The following CROT variants were observed in gnomAD, a reference collection of about 807,000 sequenced individuals.
CROT encodes the protein peroxisomal carnitine O-octanoyltransferase.
A neutral mutation model predicts 89.2 loss-of-function variants in CROT; 84 were observed. The observed-to-expected ratio is 0.94, with a 90% CI of 0.79 to 1.13. CROT has a LOEUF of 1.13. CROT is among the 50% of genes most tolerant of loss of function. The pLI, the probability that CROT is intolerant of heterozygous loss-of-function variation, is 0.00. For synonymous variants in CROT, 212 were observed against 239.5 expected (o/e 0.89, Z 1.06); for missense variants, 711 against 727.8 (o/e 0.98, Z 0.27).
Position 87,366,646 on chromosome 7 carries a change from G to A in CROT, c.548-2730G>A, listed in dbSNP as rs148446464. ...TAATGATGCTACTGCTCTCTTCATGGCTCCATTCCTACTTCCCCGTCTTCA... is the reference window on the plus strand; with the variant it reads ...TAATGATGCTACTGCTCTCTTCATGACTCCATTCCTACTTCCCCGTCTTCA... On this transcript the variant is annotated intron_variant, in intron 6 of 17. Coordinates refer to ENST00000331536, the MANE Select transcript of CROT (RefSeq NM_021151.4). Among the ~76,000 whole-genome samples the A allele has an allele frequency of 5.1e-4, 77 of 152,194 alleles. No individual in the cohort carries two copies. The Middle Eastern group carries it at 0.01, about 20-fold the overall frequency.
rs190377695 is a variant in CROT, at chr7:87,373,167, C to T, written c.657-2465C>T. On this transcript the variant is annotated intron_variant, in intron 7 of 17. Transcript: ENST00000331536. ...TGCTAGTAAGGGTAAAGTGGGATCTCGTTGTAGTTTATATTTGATAATGAT... is the reference window on the plus strand; with the variant it reads ...TGCTAGTAAGGGTAAAGTGGGATCTTGTTGTAGTTTATATTTGATAATGAT... 2.6e-4 allele frequency among the ~76,000 whole-genome samples: 39 copies of T among 152,004 alleles called. 1 individual carries two copies. Among genetic ancestry groups the T allele is most frequent in the African/African-American group, 8.0e-4 (33 of 41,472 alleles).
At chr7:87,362,866 GAACTC>G (rs1286334092) in intron 6 of CROT, among the ~76,000 whole-genome samples, 1 of 152,036 alleles carries the variant, frequency 6.6e-6, no homozygotes, top group Non-Finnish European at 1.5e-5. Context: ...CTTTCATGTA[GAACTC>G]AACTCTTCTT....
chr7:87,392,689 A>G (rs1807404187), intron 15 of CROT, 41 bp from the exon 16 acceptor site: 1 of 1,610,952 alleles, frequency 6.2e-7, no homozygotes, highest in Non-Finnish European at 8.5e-7. Context: ...TCTCATGGTG[A>G]AAAATTTTTT....
At chr7:87,398,136 C>A (rs1807605361) in intron 17 of CROT, among the ~76,000 whole-genome samples, 1 of 148,370 alleles carries the variant, frequency 6.7e-6, no homozygotes, top group South Asian at 2.1e-4. Context: ...TTCAAGTACT[C>A]TTTAAAAACA....
chr7:87,365,638 T>G (rs1307586748), intron 6 of CROT, among the ~76,000 whole-genome samples: 12 of 150,232 alleles, frequency 8.0e-5, no homozygotes, highest in African/African-American at 2.4e-4. Context: ...TTTTTTTTTT[T>G]GGTCTGTCAC....
intron 7 of CROT, among the ~76,000 whole-genome samples, chr7:87,371,469 T>C (rs1473212209): frequency 2.0e-5 from 3 of 152,236 alleles, no homozygotes; most frequent in Non-Finnish European, 4.4e-5. Flanking sequence ...TTCCATTTGT[T>C]GCTATAACAA....
chr7:87,382,588 G>A (rs772190503), intron 13 of CROT, 45 bp downstream of exon 13: 4 of 1,549,540 alleles, frequency 2.6e-6, no homozygotes, highest in Admixed American at 4.4e-5. Context: ...GAAGTCCAAG[G>A]GTATATCTTT....
chr7:87,392,527 A>T lies in CROT; in HGVS notation c.1426-39A>T. ...GGATTTTTTTCTAGTTGGGTTTTGC[A>T]CAGTGTGTTATTGAAGTGTCTCTCG... On this transcript the variant is annotated intron_variant, in intron 14 of 17. Transcript: ENST00000331536. 2.6e-6 allele frequency: 4 copies of T among 1,529,994 alleles called. No individual in the cohort carries two copies. In the South Asian group the frequency reaches 3.4e-5, roughly 13 times the overall value. 94.8% of individuals were successfully genotyped at this position (1,529,994 alleles called of 1,614,324 possible).
In CROT at chr7:87,393,084, T is replaced by G; in HGVS notation, c.1718+17T>G. ...AGATGACAGGTGAGGCTTCTCTTTT[T>G]TATTCTTTCTGTGCTATAGAGTAGG... On this transcript the variant is annotated intron_variant, in intron 17 of 17. Transcript: ENST00000331536. The G allele has an allele frequency of 6.2e-7, 1 of 1,610,146 alleles. No homozygotes were observed. Among genetic ancestry groups the G allele is most frequent in the Admixed American group, 1.7e-5 (1 of 59,296 alleles).
chr7:87,371,986 G>A (rs768957700), intron 7 of CROT, among the ~76,000 whole-genome samples: 6 of 124,808 alleles, frequency 4.8e-5, no homozygotes, highest in East Asian at 4.4e-4. Flanking sequence ...AGAGCAAGAC[G>A]CTGTCTCAAA....
intron 17 of CROT, 143 bp from the exon 18 acceptor site, chr7:87,398,381 T>C (rs1367310006): frequency 1.3e-4 from 130 of 968,182 alleles, no homozygotes; most frequent in Non-Finnish European, 1.6e-4. Context: ...TTACCTTCAA[T>C]TGTGTCAGGT....
chr7:87,389,549 C>T (rs980832869), intron 13 of CROT, among the ~76,000 whole-genome samples: 2 of 151,698 alleles, frequency 1.3e-5, no homozygotes, highest in Non-Finnish European at 2.9e-5. Context: ...CACATGTTCT[C>T]ACTCATAAGT....
At chr7:87,358,223 A>G (rs186235755) in intron 3 of CROT, among the ~76,000 whole-genome samples, 76 of 152,184 alleles carry the variant, frequency 5.0e-4, no homozygotes, top group Non-Finnish European at 1.3e-4. Context: ...CACGCCTGTA[A>G]TCCTAGCACT....
chr7:87,362,723 G>A (rs1806323527), intron 6 of CROT, among the ~76,000 whole-genome samples: 1 of 150,770 alleles, frequency 6.6e-6, no homozygotes, highest in Non-Finnish European at 1.5e-5. Flanking sequence ...TTCTGCTGTG[G>A]TAACTGTTTT....
intron 6 of CROT, among the ~76,000 whole-genome samples, chr7:87,365,394 G>A (rs1290184376): frequency 6.6e-6 from 1 of 151,918 alleles, no homozygotes; most frequent in African/African-American, 2.4e-5. Context: ...GGAAGCTGAG[G>A]CAGGAGAATC....
chr7:87,359,568 G>A (rs1806209313), intron 4 of CROT: 2 of 1,250,002 alleles, frequency 1.6e-6, no homozygotes, highest in Admixed American at 8.4e-5. Flanking sequence ...CTGGAATGAG[G>A]CCCAGAGATT....
chr7:87,386,899 C>T (rs989134084), intron 13 of CROT, among the ~76,000 whole-genome samples: 3 of 152,116 alleles, frequency 2.0e-5, no homozygotes, highest in African/African-American at 7.2e-5. Flanking sequence ...AAAGATGCTT[C>T]CCTTAGGTTG....
intron 4 of CROT, chr7:87,359,759 A>G: frequency 3.0e-6 from 3 of 999,220 alleles, no homozygotes; most frequent in Non-Finnish European, 3.6e-6. Flanking sequence ...TAAAAATCAG[A>G]GTGGAGAATG....
Position 87,373,851 on chromosome 7 carries a change from A to G in CROT, c.657-1781A>G, listed in dbSNP as rs17149459. Among the ~76,000 whole-genome samples the G allele has an allele frequency of 3.5e-3, 535 of 152,196 alleles. 5 individuals are homozygous for G. Among genetic ancestry groups the G allele is most frequent in the African/African-American group, 0.012 (494 of 41,568 alleles). On this transcript the variant is annotated intron_variant, in intron 7 of 17. Transcript: ENST00000331536. ...GGAGAACAAATGGTCAATGAAAAAGACTTCAGTGACGTATGGAGACGACAA... is the reference window on the plus strand; with the variant it reads ...GGAGAACAAATGGTCAATGAAAAAGGCTTCAGTGACGTATGGAGACGACAA...
Sources: allele counts gnomAD v4.1 joint callset (sites outside exome capture counted in the v4.1 genomes callset), GRCh38; gene constraint gnomAD v4.1.1; transcripts MANE v1.5; gene names NCBI Gene and HGNC (gene_info 2026-07-23, HGNC 2026-07-21).